ZNF532: variants seen among roughly 807,000 people sequenced by gnomAD.
ZNF532 encodes the protein zinc finger protein 532.
ZNF532 carries 22 observed loss-of-function variants against 89.3 expected under a neutral mutation model. The observed-to-expected ratio is 0.25, with a 90% CI of 0.18 to 0.35. The LOEUF (loss-of-function observed/expected upper bound fraction) is 0.35, where lower values mean the gene tolerates loss of function less well. Among genes scored for constraint, ZNF532 ranks in the 10% least tolerant of loss-of-function variants. The pLI is 1.00. For synonymous variants in ZNF532, 606 were observed against 649.6 expected, an observed-to-expected ratio of 0.93 and a Z score of 1.02; for missense variants, 1,132 against 1,643.4, an observed-to-expected ratio of 0.69 and a Z score of 5.38.
chr18:58,874,028 A>G (rs1392286007), intron 2 of ZNF532, among the ~76,000 whole-genome samples: 2 of 152,184 alleles, frequency 1.3e-5, no homozygotes, highest in African/African-American at 2.4e-5. Flanking sequence ...AGCCCTTCCT[A>G]CAATCTTAGC....
intron 2 of ZNF532, among the ~76,000 whole-genome samples, chr18:58,888,792 ATATAATTTATATATATAAAAAAT>A (rs2058585139): frequency 3.7e-5 from 2 of 53,876 alleles, no homozygotes; most frequent in African/African-American, 2.3e-4. Context: ...TATAAAATAT[ATATAATTTATATATATAAAAAAT>A]TATATATATA....
intron 8 of ZNF532, chr18:58,979,533 AC>A (rs1285323650): frequency 1.3e-5 from 2 of 156,238 alleles, no homozygotes; most frequent in African/African-American, 4.8e-5. Flanking sequence ...GATTACAGGC[AC>A]ATGCCACCAC....
intron 5 of ZNF532, among the ~76,000 whole-genome samples, chr18:58,940,983 C>G (rs1441227531): frequency 2.0e-5 from 3 of 149,010 alleles, no homozygotes; most frequent in East Asian, 3.9e-4. Context: ...CTCTCTCTCT[C>G]TCTCTCTCCT....
intron 9 of ZNF532, 47 bp from the exon 10 acceptor site, chr18:58,983,925 G>A (rs375131961): frequency 2.2e-5 from 34 of 1,562,458 alleles, no homozygotes; most frequent in African/African-American, 1.6e-4. Context: ...ATCAACCACC[G>A]TGAAGGATGG....
intron 2 of ZNF532, among the ~76,000 whole-genome samples, chr18:58,884,979 G>GTTTTTTTTTTTTTTT: frequency 7.2e-6 from 1 of 138,104 alleles, no homozygotes. Context: ...CAGTACAAGG[G>GTTTTTTTTTTTTTTT]TTTTTTTTTT....
At chr18:58,895,602 A>G (rs2059193381) in intron 2 of ZNF532, among the ~76,000 whole-genome samples, 1 of 152,176 alleles carries the variant, frequency 6.6e-6, no homozygotes, top group African/African-American at 2.4e-5. Flanking sequence ...CTGCCAGTCT[A>G]TATCGTACGT....
At chr18:58,980,144 T>C (rs2067571051) in intron 8 of ZNF532, 1 of 152,254 alleles carries the variant, frequency 6.6e-6, no homozygotes, top group African/African-American at 2.4e-5. Context: ...GAAGGTTGGC[T>C]GTCAGATTCG....
chr18:58,926,738 C>T (rs192909298), intron 3 of ZNF532, among the ~76,000 whole-genome samples: 24 of 152,198 alleles, frequency 1.6e-4, no homozygotes, highest in Admixed American at 7.2e-4. Flanking sequence ...GGTGAGGACA[C>T]GTTCATCACT....
chr18:58,966,064 A>C (rs973636183), intron 7 of ZNF532, among the ~76,000 whole-genome samples: 7 of 152,116 alleles, frequency 4.6e-5, no homozygotes, highest in African/African-American at 1.7e-4. Flanking sequence ...AGTGAAGTCT[A>C]TTTTTAAATT....
At chr18:58,875,030 G>A (rs925447170) in intron 2 of ZNF532, among the ~76,000 whole-genome samples, 7 of 152,072 alleles carry the variant, frequency 4.6e-5, no homozygotes, top group African/African-American at 1.7e-4. Context: ...ATTGAAATAA[G>A]CTGTAAGTAT....
intron 3 of ZNF532, among the ~76,000 whole-genome samples, chr18:58,931,376 A>G (rs1433080610): frequency 1.3e-5 from 2 of 152,082 alleles, no homozygotes; most frequent in African/African-American, 2.4e-5. Flanking sequence ...TCATGCTCAA[A>G]TACATCCCCC....
intron 3 of ZNF532, among the ~76,000 whole-genome samples, chr18:58,928,035 C>G (rs181214889): frequency 4.6e-5 from 7 of 152,332 alleles, no homozygotes; most frequent in Admixed American, 1.3e-4. Flanking sequence ...TGATTTAGCT[C>G]AGTCACTATC....
chr18:58,891,522 T>A (rs1416462921), intron 2 of ZNF532, among the ~76,000 whole-genome samples: 1 of 152,080 alleles, frequency 6.6e-6, no homozygotes, highest in East Asian at 1.9e-4. Context: ...ACAGAGAAAC[T>A]GTCTCAAAAA....
chr18:58,938,666 C>T (rs1312561773), intron 4 of ZNF532, among the ~76,000 whole-genome samples: 2 of 152,124 alleles, frequency 1.3e-5, no homozygotes, highest in African/African-American at 4.8e-5. Flanking sequence ...CAGTGTGTAC[C>T]AGGAAACAGT....
intron 4 of ZNF532, among the ~76,000 whole-genome samples, chr18:58,937,879 T>C (rs1048137092): frequency 1.3e-5 from 2 of 152,238 alleles, no homozygotes; most frequent in African/African-American, 2.4e-5. Flanking sequence ...GGTGGCTCTA[T>C]TGCCTGAAAT....
intron 7 of ZNF532, among the ~76,000 whole-genome samples, chr18:58,972,991 C>T (rs554422567): frequency 6.6e-6 from 1 of 152,266 alleles, no homozygotes; most frequent in Admixed American, 6.5e-5. Context: ...AGGGAAAATG[C>T]CCCCCAAACA....
intron 3 of ZNF532, among the ~76,000 whole-genome samples, chr18:58,922,622 A>T (rs1334954083): frequency 6.6e-6 from 1 of 152,220 alleles, no homozygotes; most frequent in Non-Finnish European, 1.5e-5. Flanking sequence ...TCATCAAAGG[A>T]TAATATTTCT....
intron 2 of ZNF532, among the ~76,000 whole-genome samples, chr18:58,868,564 A>G (rs762140669): frequency 6.6e-6 from 1 of 152,184 alleles, no homozygotes; most frequent in African/African-American, 2.4e-5. Context: ...CTAGAATGTC[A>G]GATAGCAAGA....
intron 7 of ZNF532, among the ~76,000 whole-genome samples, chr18:58,967,178 G>T (rs1193830357): frequency 2.0e-5 from 3 of 152,166 alleles, no homozygotes; most frequent in Non-Finnish European, 1.5e-5. Flanking sequence ...AATAGCTGGT[G>T]GTCCCAGTGG....
Sources: allele counts gnomAD v4.1 joint callset (sites outside exome capture counted in the v4.1 genomes callset), GRCh38; gene constraint gnomAD v4.1.1; transcripts MANE v1.5; gene names NCBI Gene and HGNC (gene_info 2026-07-23, HGNC 2026-07-21).